Variants in LHFPL5 observed in about 807,000 individuals in gnomAD.
LHFPL5 encodes LHFPL tetraspan subfamily member 5.
LHFPL5 carries 12 observed loss-of-function variants against 18.7 expected under a neutral mutation model. The observed-to-expected ratio is 0.64, with a 90% confidence interval of 0.41 to 1.04. LHFPL5 has a LOEUF of 1.04. Ranked by LOEUF, LHFPL5 falls within the 50% of genes least tolerant of loss-of-function variation. The pLI, the probability that LHFPL5 is intolerant of heterozygous loss-of-function variation, is 0.00. For synonymous variants in LHFPL5, 111 were observed against 120.2 expected (o/e 0.92, Z 0.50); for missense variants, 259 against 292.1 (o/e 0.89, Z 0.83).
At chr6:35,815,200 G>A (rs1174118405) in intron 2 of LHFPL5, among the ~76,000 whole-genome samples, 1 of 152,112 alleles carries the variant, frequency 6.6e-6, no homozygotes, top group Non-Finnish European at 1.5e-5. Context: ...CAATGAGGGT[G>A]CAGAAGTGAC....
At chr6:35,810,333 G>T (rs1046869783) in intron 1 of LHFPL5, among the ~76,000 whole-genome samples, 1 of 152,204 alleles carries the variant, frequency 6.6e-6, no homozygotes. Flanking sequence ...CATAGCAGCA[G>T]TACCCACTTC....
intron 1 of LHFPL5, among the ~76,000 whole-genome samples, chr6:35,813,493 T>C (rs1012018694): frequency 6.6e-6 from 1 of 152,072 alleles, no homozygotes; most frequent in African/African-American, 2.4e-5. Context: ...TCCGTCCACC[T>C]CGACCTCCCA....
chr6:35,815,981 C>A (rs955837883), intron 2 of LHFPL5, among the ~76,000 whole-genome samples: 4 of 152,120 alleles, frequency 2.6e-5, no homozygotes, highest in Non-Finnish European at 5.9e-5. Flanking sequence ...ACCATCCTGG[C>A]CAACATGGTG....
At chr6:35,819,394 C>T (rs377428683) in intron 2 of LHFPL5, 43 bp from the exon 3 acceptor site, 45 of 1,605,888 alleles carry the variant, frequency 2.8e-5, no homozygotes, top group African/African-American at 6.7e-5. Flanking sequence ...ATCCTAAAAA[C>T]GAGACTTGGT....
chr6:35,821,724 T>G (rs2151072509), intron 3 of LHFPL5, among the ~76,000 whole-genome samples: 1 of 151,892 alleles, frequency 6.6e-6, no homozygotes, highest in African/African-American at 2.4e-5. Context: ...CAGGTGATCC[T>G]CCCGCCTCAG....
chr6:35,819,682 C>CTT (rs5875523), intron 3 of LHFPL5: 72 of 506,044 alleles, frequency 1.4e-4, no homozygotes, highest in Middle Eastern at 5.4e-4. Context: ...TTACCTGTGT[C>CTT]TTTTTTTTTT....
chr6:35,815,821 G>A (rs941648400), intron 2 of LHFPL5, among the ~76,000 whole-genome samples: 1 of 152,168 alleles, frequency 6.6e-6, no homozygotes, highest in African/African-American at 2.4e-5. Context: ...GAAGTGATAG[G>A]AAACATTTCA....
chr6:35,816,559 C>T (rs1045639773), intron 2 of LHFPL5, among the ~76,000 whole-genome samples: 1 of 151,816 alleles, frequency 6.6e-6, no homozygotes, highest in African/African-American at 2.4e-5. Flanking sequence ...TGCCTGTAAC[C>T]CCAGCGCTCT....
In LHFPL5 at chr6:35,814,564, G is replaced by T. The variant is rs1178700441; in HGVS notation, c.431G>T (p.Gly144Val). 1.2e-6 allele frequency: 2 copies of T among 1,614,138 alleles called. No homozygotes were observed. Among genetic ancestry groups the T allele is most frequent in the African/African-American group, 2.7e-5 (2 of 75,050 alleles). The stretch of plus-strand genomic sequence containing the variant: ...CCCTCAGCCACAGGCCTAATGATTG[G>T]CTGCCTGGTCTACCCTGATGGTTGG... ...QLAAATGLMI[G>V]CLVYPDGWDS... Residue 144 changes from glycine to valine, a missense_variant, in exon 2 of 4, where the codon GGC becomes GTC. By Grantham distance (109) the Gly-to-Val change is moderately radical. Coordinates refer to ENST00000360215, the MANE Select transcript of LHFPL5 (RefSeq NM_182548.4). This position sits in a 1 kb window ranked among gnomAD's most constrained non-coding sequence, Gnocchi z 4.2.
chr6:35,812,999 G>A (rs931619342), intron 1 of LHFPL5, among the ~76,000 whole-genome samples: 1 of 152,020 alleles, frequency 6.6e-6, no homozygotes, highest in Non-Finnish European at 1.5e-5. Flanking sequence ...GTGTTGCAGT[G>A]AGCCGAGATC....
chr6:35,807,804 GA>G (rs1768596308), intron 1 of LHFPL5, among the ~76,000 whole-genome samples: 1 of 152,118 alleles, frequency 6.6e-6, no homozygotes, highest in Non-Finnish European at 1.5e-5. Context: ...GAGGACCAAG[GA>G]ACTAGATGTA....
At chr6:35,816,741 G>A (rs963494582) in intron 2 of LHFPL5, among the ~76,000 whole-genome samples, 39 of 151,104 alleles carry the variant, frequency 2.6e-4, no homozygotes, top group Non-Finnish European at 5.2e-4. Context: ...AAACCCAGGG[G>A]GCAGAGCTTG....
rs1251011698 is a variant in LHFPL5 at position 35,818,339 on chromosome 6, ATATATATATGTATTT to A, written c.650-1096_650-1082del. On this transcript the variant is annotated intron_variant, in intron 2 of 3. Transcript: ENST00000360215. The stretch of plus-strand genomic sequence containing the variant: ...AAAAGCCATATATATATATATATAT[ATATATATATGTATTT>A]TTTTTTTTTTTTTTTTTTTTTTGAG... Among the ~76,000 whole-genome samples, 76 of 27,866 alleles carry A rather than the reference ATATATATATGTATTT, an allele frequency of 2.7e-3. 1 individual carries two copies. Among genetic ancestry groups the A allele is most frequent in the East Asian group, 5.3e-3 (2 of 376 alleles). The allele number at this position is 27,866 out of a possible 152,430, so 18.3% of individuals were successfully genotyped here. A position where few individuals can be genotyped will look rare whatever the true frequency, so the allele number is the denominator to read the frequency against.
At chr6:35,809,901 A>G (rs1283227083) in intron 1 of LHFPL5, among the ~76,000 whole-genome samples, 1 of 152,282 alleles carries the variant, frequency 6.6e-6, no homozygotes, top group Non-Finnish European at 1.5e-5. Flanking sequence ...AAATCCAGGC[A>G]GCCTGATCTA....
In LHFPL5 at chr6:35,806,036, C is replaced by T. The variant is rs147162459; in HGVS notation, c.366C>T (p.Asn122=). 24 of 1,614,094 alleles carry T rather than the reference C, an allele frequency of 1.5e-5. No homozygotes were observed. Among genetic ancestry groups the T allele is most frequent in the Non-Finnish European group, 1.9e-5 (22 of 1,180,048 alleles). ...GCTTCAGCCTGTTCTTCATCTGCAA[C>T]ACGGCCACAGTCTATAAGATCTGTG... ...IICFSLFFIC[N]TATVYKICAW... The change falls in exon 1 of 4, where the codon AAC becomes AAT. Residue 122 remains asparagine, a synonymous_variant. Transcript: ENST00000360215.
intron 1 of LHFPL5, among the ~76,000 whole-genome samples, chr6:35,808,559 T>TTATACA (rs1398470444): frequency 1.2e-5 from 1 of 84,076 alleles, no homozygotes; most frequent in Non-Finnish European, 2.2e-5. Flanking sequence ...TATATTCATT[T>TTATACA]TATACATATA....
At chr6:35,816,826 A>G (rs1477254096) in intron 2 of LHFPL5, among the ~76,000 whole-genome samples, 1 of 151,606 alleles carries the variant, frequency 6.6e-6, no homozygotes, top group Admixed American at 6.6e-5. Flanking sequence ...AAAAAAAAAA[A>G]AAAAGGAAAT....
rs771631412 is a variant in LHFPL5 at position 35,805,839 on chromosome 6, C to A, written c.169C>A (p.Pro57Thr). 1 of 1,614,262 alleles carries A rather than the reference C, an allele frequency of 6.2e-7. No individual in the cohort carries two copies. Among genetic ancestry groups the A allele is most frequent in the East Asian group, 2.2e-5 (1 of 44,890 alleles). ...CTGGATCGGCGACAGCGTCAACACA[C>A]CGCAGGCAGGCTACTTCGGCCTTTT... is the stretch of plus-strand genomic sequence containing the variant. ...PYWIGDSVNT[P>T]QAGYFGLFSY... The change falls in exon 1 of 4, where the codon CCG (proline) becomes ACG (threonine). Residue 57 changes from proline to threonine, a missense_variant. Physicochemically the swap from Pro to Thr is conservative, Grantham distance 38 (BLOSUM62 -1). Coordinates refer to ENST00000360215, the MANE Select transcript of LHFPL5 (RefSeq NM_182548.4). The surrounding 1 kb of genome is among the most constrained non-coding windows in gnomAD (Gnocchi z 4.3).
chr6:35,821,248 G>C (rs1308444029), intron 3 of LHFPL5, among the ~76,000 whole-genome samples: 1 of 149,866 alleles, frequency 6.7e-6, no homozygotes, highest in Non-Finnish European at 1.5e-5. Context: ...CGGTTGCCAT[G>C]AACTGAGATC....
Sources: allele counts gnomAD v4.1 joint callset (sites outside exome capture counted in the v4.1 genomes callset), GRCh38; gene constraint gnomAD v4.1.1; non-coding constraint Gnocchi (gnomAD v3.1); transcripts MANE v1.5; gene names NCBI Gene and HGNC (gene_info 2026-07-23, HGNC 2026-07-21).